Variants in SERINC2 observed in about 807,000 individuals in gnomAD.
SERINC2 encodes the protein serine incorporator 2.
Under a neutral mutation model 54.2 loss-of-function variants are expected in SERINC2, and 56 were observed. That is an observed-to-expected ratio of 1.03 (90% CI 0.83 to 1.29). SERINC2 has a LOEUF of 1.29. Ranked by LOEUF, SERINC2 falls within the 50% of genes most tolerant of loss-of-function variation. The probability of loss-of-function intolerance (pLI) is 0.00; values close to 1 mark genes in which losing one functional copy is unlikely to be tolerated. For synonymous variants in SERINC2, 272 were observed against 253.1 expected (o/e 1.07, Z -0.71); for missense variants, 614 against 607.4 (o/e 1.01, Z -0.12).
rs1553133035 is a variant in SERINC2, at chr1:31,423,729, T to G, written c.76T>G (p.Cys26Gly). Residue 26 changes from cysteine (C) to glycine (G), a missense_variant, in exon 2 of 10, where the codon TGC becomes GGC. Coordinates refer to ENST00000373709, the MANE Select transcript of SERINC2 (RefSeq NM_178865.5). ...CTGCGGCTCTGCCCCCTGCATCCTG[T>G]GCAGCTGCTGCCCCGCCAGCCGCAA... ...CLCGSAPCILCSCCPASRNST... is the reference protein window; with the variant it reads ...CLCGSAPCILGSCCPASRNST... The G allele has an allele frequency of 6.2e-7, 1 of 1,612,176 alleles. No individual in the cohort carries two copies. The highest frequency in any genetic ancestry group is 2.2e-5 in the East Asian group (1 of 44,876).
At chr1:31,416,908 C>T (rs192316763) in intron 1 of SERINC2, among the ~76,000 whole-genome samples, 20 of 152,002 alleles carry the variant, frequency 1.3e-4, no homozygotes, top group Admixed American at 8.5e-4. Context: ...TTAATAGAGA[C>T]GGGGTTTCAC....
intron 1 of SERINC2, among the ~76,000 whole-genome samples, chr1:31,417,852 CTT>C (rs3050463): frequency 1.0e-5 from 1 of 95,732 alleles, no homozygotes; most frequent in Non-Finnish European, 1.9e-5. Context: ...AAATTTCATT[CTT>C]TTTTTTTTTT....
intron 8 of SERINC2, among the ~76,000 whole-genome samples, chr1:31,432,599 T>C (rs1001485946): frequency 6.6e-6 from 1 of 152,188 alleles, no homozygotes; most frequent in African/African-American, 2.4e-5. Flanking sequence ...TACGTGTTTA[T>C]GGAAATGGCA....
chr1:31,418,430 G>A (rs893637168), intron 1 of SERINC2, among the ~76,000 whole-genome samples: 5 of 151,968 alleles, frequency 3.3e-5, no homozygotes, highest in African/African-American at 1.2e-4. Flanking sequence ...AGGCTGGAGT[G>A]TATTGGCGCG....
rs1557499900 is a variant in SERINC2 at position 31,431,814 on chromosome 1, C to CAGGGTGGATAGGGTGGAT, written c.1014-1108_1014-1091dup. Among the ~76,000 whole-genome samples, 22 of 34,090 alleles carry CAGGGTGGATAGGGTGGAT rather than the reference C, an allele frequency of 6.5e-4. 1 individual carries two copies. Among genetic ancestry groups the CAGGGTGGATAGGGTGGAT allele is most frequent in the Admixed American group, 9.0e-4 (3 of 3,344 alleles). The allele number at this position is 34,090 out of a possible 152,430, so 22.4% of individuals were successfully genotyped here. On this transcript the variant is annotated intron_variant, in intron 8 of 9. Coordinates refer to ENST00000373709, the MANE Select transcript of SERINC2 (RefSeq NM_178865.5). ...GGGTGGATAGGGTGGACAGGGTGGA[C>CAGGGTGGATAGGGTGGAT]AGGGTGGATAGGGTGGATAGGGTGG...
At position 31,434,104 on chromosome 1, in the gene SERINC2, G is replaced by A. The variant is rs782377338; in HGVS notation, c.1273G>A (p.Val425Met). 15 of 1,613,938 alleles carry A rather than the reference G, an allele frequency of 9.3e-6. No homozygotes were observed. The highest frequency in any genetic ancestry group is 2.2e-5 in the South Asian group (2 of 91,092). The change falls in exon 10 of 10, where the codon GTG (valine) becomes ATG (methionine). Residue 425 changes from valine to methionine, a missense_variant. By Grantham distance (21) the Val-to-Met change is conservative. Transcript: ENST00000373709. Reference sequence around the variant, plus strand: ...GAAGATGATCAGCACGTGGACCGCCGTGTGGGTGAAGATCTGTGCCAGCTG... The same window carrying A: ...GAAGATGATCAGCACGTGGACCGCCATGTGGGTGAAGATCTGTGCCAGCTG... ...TRKMISTWTA[V>M]WVKICASWAG... is the part of the protein sequence containing the mutation.
intron 1 of SERINC2, among the ~76,000 whole-genome samples, chr1:31,421,028 A>G (rs1167774318): frequency 6.6e-6 from 1 of 152,162 alleles, no homozygotes; most frequent in Non-Finnish European, 1.5e-5. Flanking sequence ...ACTAGTATCT[A>G]TCCATGGCCT....
chr1:31,414,284 C>T, intron 1 of SERINC2: 1 of 1,314,718 alleles, frequency 7.6e-7, no homozygotes, highest in Non-Finnish European at 9.6e-7. Flanking sequence ...CTCTCCTTTC[C>T]TCTTCCCCTC....
upstream of SERINC2, chr1:31,413,153 TGGGGCGGGGCCGGGGCG>T: frequency 1.0e-6 from 1 of 998,010 alleles, no homozygotes. This position sits in a 1 kb window ranked among gnomAD's most constrained non-coding sequence, Gnocchi z 5.0. Context: ...CTTCGGTAGG[TGGGGCGGGGCCGGGGCG>T]GGGCCGGGGC....
At position 31,414,539 on chromosome 1, in the gene SERINC2, G is replaced by A. The variant is rs76186375; in HGVS notation, c.39+1235G>A. 2.9e-3 allele frequency: 2,855 copies of A among 992,556 alleles called. 67 individuals carry two copies. The African/African-American group carries it at 0.047, about 16-fold the overall frequency. The allele number at this position is 992,556 out of a possible 1,614,324, so 61.5% of individuals were successfully genotyped here. A position where few individuals can be genotyped will look rare whatever the true frequency, so the allele number is the denominator to read the frequency against. ...CTTTACAGCCTTTTTCTGAGAATGAGATCAGCATAGACAGCACAGAGAGGC... is the reference window on the plus strand; with the variant it reads ...CTTTACAGCCTTTTTCTGAGAATGAAATCAGCATAGACAGCACAGAGAGGC... On this transcript the variant is annotated intron_variant, in intron 1 of 9. Transcript: ENST00000373709.
At chr1:31,409,816 G>T, upstream of SERINC2, 1 of 1,554,188 alleles carries the variant, frequency 6.4e-7, no homozygotes, top group Non-Finnish European at 8.7e-7. Context: ...AGGGCTCAAA[G>T]CCGGCACACA....
intron 9 of SERINC2, among the ~76,000 whole-genome samples, 181 bp from the exon 10 acceptor site, chr1:31,433,883 G>T (rs1213529600): frequency 1.3e-5 from 2 of 152,150 alleles, no homozygotes; most frequent in East Asian, 3.9e-4. Flanking sequence ...GATGGGAATC[G>T]AGGTCAGGAG....
chr1:31,424,661 G>A (rs537998361), intron 2 of SERINC2, 22 bp from the exon 3 acceptor site: 22 of 1,561,292 alleles, frequency 1.4e-5, no homozygotes, highest in Admixed American at 1.3e-4. Flanking sequence ...GGGCTTTGAC[G>A]CTGCTCTGTC....
Position 31,413,984 on chromosome 1 carries a change from G to C in SERINC2, c.39+680G>C. On this transcript the variant is annotated intron_variant, in intron 1 of 9. Transcript: ENST00000373709. This position sits in a 1 kb window ranked among gnomAD's most constrained non-coding sequence, Gnocchi z 5.0. ...TCAGGCACTTCCCCAGCTCGCCCCGGATCATCTGGGCCCCAGCGCGGAGAC... is the reference window on the plus strand; with the variant it reads ...TCAGGCACTTCCCCAGCTCGCCCCGCATCATCTGGGCCCCAGCGCGGAGAC... 3 of 1,529,814 alleles carry C rather than the reference G, an allele frequency of 2.0e-6. No homozygotes were observed. Among genetic ancestry groups the C allele is most frequent in the Non-Finnish European group, 2.6e-6 (3 of 1,144,598 alleles). The allele number at this position is 1,529,814 out of a possible 1,614,324, so 94.8% of individuals were successfully genotyped here. A position where few individuals can be genotyped will look rare whatever the true frequency, so the allele number is the denominator to read the frequency against.
chr1:31,432,173 ATAGGGTGGATAGGG>A (rs1641306711), intron 8 of SERINC2, among the ~76,000 whole-genome samples: 1 of 122,022 alleles, frequency 8.2e-6, no homozygotes, highest in East Asian at 2.4e-4. Context: ...GATAGGGTGG[ATAGGGTGGATAGGG>A]TGGTTAGAGT....
chr1:31,425,639 C>CAG, intron 4 of SERINC2, 137 bp from the exon 5 acceptor site: 1 of 1,144,496 alleles, frequency 8.7e-7, no homozygotes, highest in South Asian at 1.4e-5. Flanking sequence ...GCCCTCTGTG[C>CAG]GTAGCTAGGG....
intron 9 of SERINC2, 118 bp downstream of exon 9, chr1:31,433,303 T>C: frequency 1.2e-6 from 1 of 848,024 alleles, no homozygotes; most frequent in Non-Finnish European, 1.9e-6. Context: ...GGGGTGGCGG[T>C]GTGTATCAAG....
intron 8 of SERINC2, among the ~76,000 whole-genome samples, chr1:31,432,541 T>C (rs542813971): frequency 6.6e-6 from 1 of 152,164 alleles, no homozygotes; most frequent in African/African-American, 2.4e-5. Flanking sequence ...TTAACATTCT[T>C]AATGGATGTA....
upstream of SERINC2, among the ~76,000 whole-genome samples, chr1:31,411,889 T>C (rs186643800): frequency 4.6e-5 from 7 of 150,604 alleles, no homozygotes; most frequent in Admixed American, 2.0e-4. Context: ...TGGTCACAGC[T>C]ACTTGGGAGG....
Sources: gnomAD v4.1 joint callset for allele counts (sites outside exome capture counted in the v4.1 genomes callset) on GRCh38, gnomAD v4.1.1 for gene constraint, Gnocchi (gnomAD v3.1) non-coding constraint, MANE v1.5 for transcripts, NCBI Gene and HGNC (gene_info 2026-07-23, HGNC 2026-07-21) for gene names.